VPS36: variants seen among roughly 807,000 people sequenced by gnomAD.
The protein encoded by VPS36 is vacuolar protein-sorting-associated protein 36.
In VPS36, 31 loss-of-function variants were observed where a neutral mutation model predicts 63.5. That is an observed-to-expected ratio of 0.49 (90% confidence interval 0.37 to 0.66). The LOEUF (loss-of-function observed/expected upper bound fraction) is 0.66. Ranked by LOEUF, VPS36 falls within the 30% of genes least tolerant of loss-of-function variation. The probability of loss-of-function intolerance (pLI) is 0.00; values close to 1 mark genes in which losing one functional copy is unlikely to be tolerated. For missense variants in VPS36, 338 were observed against 463.7 expected (o/e 0.73, Z 2.49); for synonymous variants, 138 against 157.2 (o/e 0.88, Z 0.91).
At chr13:52,449,719 T>C (rs968557188) in intron 1 of VPS36, among the ~76,000 whole-genome samples, 1 of 152,170 alleles carries the variant, frequency 6.6e-6, no homozygotes, top group African/African-American at 2.4e-5. Flanking sequence ...ATAGTTTCAG[T>C]AAAGTATCTA....
chr13:52,431,009 A>C (rs1958149820), intron 6 of VPS36, among the ~76,000 whole-genome samples: 2 of 152,188 alleles, frequency 1.3e-5, no homozygotes, highest in African/African-American at 2.4e-5. Flanking sequence ...AACATGGCAG[A>C]TACAGGGAAT....
chr13:52,435,199 G>A (rs935271077), intron 4 of VPS36, among the ~76,000 whole-genome samples: 13 of 151,694 alleles, frequency 8.6e-5, no homozygotes, highest in East Asian at 3.9e-4. Context: ...TTGAACTCTC[G>A]ACCTCAGGTG....
At chr13:52,439,612 A>G (rs965996248) in intron 2 of VPS36, among the ~76,000 whole-genome samples, 4 of 151,624 alleles carry the variant, frequency 2.6e-5, no homozygotes, top group Non-Finnish European at 4.4e-5. Flanking sequence ...CGTCCGGCTA[A>G]TTTTTTTGTA....
Position 52,417,113 on chromosome 13 carries a change from C to T in VPS36, c.934G>A (p.Val312Ile), listed in dbSNP as rs1958001457. ...RLRVFDSGVM[V>I]IELQSHKEEE... Reference sequence around the variant, plus strand: ...TCCTTGTGAGACTGAAGCTCAATTACCATGACGCCACTGTCAAACACACGG... The same window carrying T: ...TCCTTGTGAGACTGAAGCTCAATTATCATGACGCCACTGTCAAACACACGG... The change falls in exon 12 of 14, where the codon GTA becomes ATA. Residue 312 changes from valine (V) to isoleucine (I), a missense_variant. Val to Ile is a conservative substitution (Grantham distance 29, BLOSUM62 3). Transcript: ENST00000378060. The T allele has an allele frequency of 1.2e-6, 2 of 1,614,040 alleles. No homozygotes were observed. The highest frequency in any genetic ancestry group is 1.7e-6 in the Non-Finnish European group (2 of 1,179,992).
chr13:52,431,559 T>C (rs1958156272), intron 6 of VPS36, among the ~76,000 whole-genome samples: 2 of 151,814 alleles, frequency 1.3e-5, no homozygotes. Flanking sequence ...GGTCAGGAGT[T>C]CGAGAGCAGC....
chr13:52,415,932 AAAC>A lies in VPS36; in HGVS notation c.1068-12_1068-10del. On this transcript the variant is annotated splice_polypyrimidine_tract_variant and intron_variant, in intron 13 of 13. Coordinates refer to ENST00000378060, the MANE Select transcript of VPS36 (RefSeq NM_016075.4). ...TCTCTGCAAGCAGCAACCTAAAAAA[AAAC>A]AACAAAAAAACCCCCACACAATTAT... The A allele has an allele frequency of 6.2e-7, 1 of 1,613,452 alleles. No homozygotes were observed. The highest frequency in any genetic ancestry group is 8.5e-7 in the Non-Finnish European group (1 of 1,179,882).
At chr13:52,449,839 A>C (rs1051866346) in intron 1 of VPS36, 1 of 824,202 alleles carries the variant, frequency 1.2e-6, no homozygotes, top group Non-Finnish European at 1.5e-6. Context: ...ACACTTTACA[A>C]AACACGCTCA....
chr13:52,442,128 G>A (rs879868558), intron 2 of VPS36, among the ~76,000 whole-genome samples: 1 of 152,154 alleles, frequency 6.6e-6, no homozygotes, highest in Admixed American at 6.5e-5. Context: ...ATTCAGAAAA[G>A]TAAAATTTAT....
At chr13:52,445,537 G>C (rs762160680) in intron 1 of VPS36, among the ~76,000 whole-genome samples, 2 of 150,200 alleles carry the variant, frequency 1.3e-5, no homozygotes, top group Admixed American at 6.7e-5. Context: ...TATTCCGGAG[G>C]CTGAGGCAGG....
intron 1 of VPS36, 69 bp downstream of exon 1, chr13:52,450,415 CGACCCGGGCCGCGCT>C (rs1202727611): frequency 2.8e-6 from 4 of 1,407,672 alleles, no homozygotes; most frequent in South Asian, 1.4e-5. Context: ...CGGGCCGCGC[CGACCCGGGCCGCGCT>C]GAGCCGGGCC....
intron 10 of VPS36, among the ~76,000 whole-genome samples, chr13:52,419,696 A>C (rs1024118960): frequency 1.3e-5 from 2 of 152,252 alleles, no homozygotes; most frequent in Non-Finnish European, 2.9e-5. Flanking sequence ...CTGCACTCCC[A>C]TGGTTATTGC....
At chr13:52,445,812 T>A (rs567725153) in intron 1 of VPS36, among the ~76,000 whole-genome samples, 1 of 126,036 alleles carries the variant, frequency 7.9e-6, no homozygotes, top group African/African-American at 3.0e-5. Flanking sequence ...TGGTAGCGGG[T>A]GCCTGTAGTC....
At chr13:52,433,384 C>T (rs1484061879) in intron 6 of VPS36, among the ~76,000 whole-genome samples, 3 of 152,110 alleles carry the variant, frequency 2.0e-5, no homozygotes, top group Admixed American at 2.0e-4. Context: ...TAGGAGTATC[C>T]GCCAATCAAT....
In VPS36 at chr13:52,450,512, T is replaced by C; in HGVS notation, c.83A>G (p.Asp28Gly). 6.3e-7 allele frequency: 1 copy of C among 1,593,748 alleles called. No homozygotes were observed. The highest frequency in any genetic ancestry group is 8.5e-7 in the Non-Finnish European group (1 of 1,170,428). ...CAGACGCCCTACCTTCTCCTCGCCA[T>C]CGTAGATTCGCACCCCGCGCTGCTG... ...VIQQRGVRIYDGEEKIKFDAG... is the reference protein window; with the variant it reads ...VIQQRGVRIYGGEEKIKFDAG... The change falls in exon 1 of 14, where the codon GAT becomes GGT. Residue 28 changes from aspartate (D) to glycine (G), a missense_variant. Transcript: ENST00000378060.
At chr13:52,433,620 C>A (rs1958182368) in intron 6 of VPS36, 42 bp downstream of exon 6, 1 of 1,485,558 alleles carries the variant, frequency 6.7e-7, no homozygotes, top group East Asian at 2.3e-5. Flanking sequence ...AGAATAGACA[C>A]AAATGGCTGG....
At chr13:52,442,490 T>A in intron 1 of VPS36, 45 bp from the exon 2 acceptor site, 1 of 1,535,724 alleles carries the variant, frequency 6.5e-7, no homozygotes, top group South Asian at 1.2e-5. Flanking sequence ...ATATCACTCA[T>A]TGTGGTTCCG....
chr13:52,445,772 C>A (rs1312122215), intron 1 of VPS36, among the ~76,000 whole-genome samples: 2 of 117,580 alleles, frequency 1.7e-5, no homozygotes, highest in African/African-American at 5.5e-5. Flanking sequence ...CCCGTCTCTA[C>A]TAAAAATACA....
intron 10 of VPS36, among the ~76,000 whole-genome samples, chr13:52,420,204 T>C (rs1958032545): frequency 6.7e-6 from 1 of 148,592 alleles, no homozygotes; most frequent in Non-Finnish European, 1.5e-5. Context: ...GTTGTGCCAC[T>C]GCACTCCAGC....
Position 52,427,374 on chromosome 13 carries a change from G to A in VPS36, c.529-155C>T, listed in dbSNP as rs186833963. Among the ~76,000 whole-genome samples the A allele has an allele frequency of 1.1e-3, 160 of 152,300 alleles. 1 individual carries two copies. In the East Asian group the frequency reaches 0.029, roughly 27 times the overall value. ...TAATCCCAGCACTCTGGGAGGCCGA[G>A]GCAGGCAGATCACGAGGTCAGGAGA... On this transcript the variant is annotated intron_variant, in intron 6 of 13. Transcript: ENST00000378060.
Sources: gnomAD v4.1 joint callset for allele counts (sites outside exome capture counted in the v4.1 genomes callset) on GRCh38, gnomAD v4.1.1 for gene constraint, MANE v1.5 for transcripts, NCBI Gene and HGNC (gene_info 2026-07-23, HGNC 2026-07-21) for gene names.